Variants in CEBPZOS observed in about 807,000 individuals in gnomAD.
The protein encoded by CEBPZOS is protein CEBPZOS.
A neutral mutation model predicts 4.8 loss-of-function variants in CEBPZOS; 10 were observed. That is an observed-to-expected ratio of 2.07 (90% CI 1.28 to 3.52). The LOEUF (loss-of-function observed/expected upper bound fraction) is 3.52. Ranked by LOEUF, CEBPZOS falls within the 30% of genes most tolerant of loss-of-function variation. The probability of loss-of-function intolerance (pLI) is 0.00; values close to 1 mark genes in which losing one functional copy is unlikely to be tolerated. For missense variants in CEBPZOS, 98 were observed against 43.6 expected (o/e 2.25, Z -3.51); for synonymous variants, 25 against 14.2 (o/e 1.77, Z -1.72).
chr2:37,206,200 C>T (rs1677534196), downstream of CEBPZOS, among the ~76,000 whole-genome samples: 1 of 152,180 alleles, frequency 6.6e-6, no homozygotes, highest in Non-Finnish European at 1.5e-5. Flanking sequence ...GCAGCTCCCA[C>T]ATGGATGGAC....
chr2:37,204,037 T>C lies in CEBPZOS; in HGVS notation c.*2177T>C, dbSNP rs1677418768. The C allele has an allele frequency of 6.6e-6, 1 of 152,216 alleles. No individual in the cohort carries two copies. The highest frequency in any genetic ancestry group is 2.4e-5 in the African/African-American group (1 of 41,456). 9.4% of individuals were successfully genotyped at this position (152,216 alleles called of 1,614,324 possible). ...CAGAGCCACTTTTGATAAAATAGTT[T>C]CTAAAACATTTCATCTTGATTTTTA... On this transcript the variant is annotated 3_prime_UTR_variant, in exon 5 of 5. Transcript: ENST00000402297.
chr2:37,213,975 G>GAATA, downstream of CEBPZOS: 1 of 1,372,978 alleles, frequency 7.3e-7, no homozygotes, highest in Non-Finnish European at 9.8e-7. Flanking sequence ...TAATATTCAT[G>GAATA]TTATATATTT....
In CEBPZOS at chr2:37,204,056, A is replaced by G. The variant is rs1405549291; in HGVS notation, c.*2196A>G. 6.6e-6 allele frequency: 1 copy of G among 152,054 alleles called. No homozygotes were observed. Among genetic ancestry groups the G allele is most frequent in the African/African-American group, 2.4e-5 (1 of 41,366 alleles). 9.4% of individuals were successfully genotyped at this position (152,054 alleles called of 1,614,324 possible). A position where few individuals can be genotyped will look rare whatever the true frequency, so the allele number is the denominator to read the frequency against. On this transcript the variant is annotated 3_prime_UTR_variant, in exon 5 of 5. Coordinates refer to ENST00000402297, the MANE Select transcript of CEBPZOS (RefSeq NM_001322374.2). Reference sequence around the variant, plus strand: ...ATAGTTTCTAAAACATTTCATCTTGATTTTTATTAAGGTGATATGTATGTT... The same window carrying G: ...ATAGTTTCTAAAACATTTCATCTTGGTTTTTATTAAGGTGATATGTATGTT...
chr2:37,196,716 C>G (rs112846919), intron 1 of CEBPZOS, 196 bp downstream of exon 1: 8 of 143,648 alleles, frequency 5.6e-5, no homozygotes, highest in South Asian at 2.3e-4. Flanking sequence ...GCGGCCGGGC[C>G]GTGCTCCGTG....
downstream of CEBPZOS, chr2:37,214,844 T>A (rs768174796): frequency 2.4e-6 from 3 of 1,270,542 alleles, no homozygotes; most frequent in East Asian, 7.0e-5. Flanking sequence ...AAAATTTAAA[T>A]TTTAGCAGTT....
chr2:37,201,869 A>G lies in CEBPZOS; in HGVS notation c.*9A>G, dbSNP rs558979989. ...TTGCATCTCTGTTGTGTAGCCAGTC[A>G]TCACGTTCAGCCTCCCATCTAAGCT... On this transcript the variant is annotated 3_prime_UTR_variant, in exon 5 of 5. Transcript: ENST00000402297. The G allele has an allele frequency of 2.3e-5, 37 of 1,613,894 alleles. No homozygotes were observed. The highest frequency in any genetic ancestry group is 1.9e-4 in the African/African-American group (14 of 75,002).
At position 37,201,897 on chromosome 2, in the gene CEBPZOS, T is replaced by C. The variant is rs1028215374; in HGVS notation, c.*37T>C. ...ACGTTCAGCCTCCCATCTAAGCTGT[T>C]TGAGACCTTTGAGAGAAGAAGAAAA... On this transcript the variant is annotated 3_prime_UTR_variant, in exon 5 of 5. Coordinates refer to ENST00000402297, the MANE Select transcript of CEBPZOS (RefSeq NM_001322374.2). 7 of 1,612,022 alleles carry C rather than the reference T, an allele frequency of 4.3e-6. No individual in the cohort carries two copies. The highest frequency in any genetic ancestry group is 1.7e-5 in the Admixed American group (1 of 59,412).
At chr2:37,200,987 CTG>C (rs1677200445) in intron 2 of CEBPZOS, 59 bp from the exon 3 acceptor site, 5 of 702,800 alleles carry the variant, frequency 7.1e-6, no homozygotes, top group South Asian at 3.1e-5. Context: ...TAAATTGTGG[CTG>C]TGTTAATATA....
chr2:37,211,894 C>T (rs761491408), intron 4 of CEBPZOS: 6 of 1,611,880 alleles, frequency 3.7e-6, no homozygotes, highest in South Asian at 2.2e-5. Context: ...GTTCCTCCAT[C>T]TTCATCAACT....
At chr2:37,213,003 T>A (rs1430733439) in intron 4 of CEBPZOS, among the ~76,000 whole-genome samples, 1 of 151,826 alleles carries the variant, frequency 6.6e-6, no homozygotes, top group Non-Finnish European at 1.5e-5. Flanking sequence ...GTTGGGATTG[T>A]GCCACTGCAC....
intron 4 of CEBPZOS, chr2:37,211,935 A>G (rs887306266): frequency 3.7e-6 from 6 of 1,613,602 alleles, no homozygotes; most frequent in Non-Finnish European, 5.1e-6. Context: ...CATACTTCCT[A>G]AAGAAACTTC....
intron 1 of CEBPZOS, among the ~76,000 whole-genome samples, chr2:37,197,960 G>A (rs2465488): frequency 0.73 from 111,726 of 152,084 alleles, 41,876 homozygotes; most frequent in East Asian, 0.98. Flanking sequence ...CAGGAGTTGG[G>A]GACCACCCTG....
intron 1 of CEBPZOS, among the ~76,000 whole-genome samples, chr2:37,199,335 A>G (rs1416348082): frequency 6.6e-6 from 1 of 152,232 alleles, no homozygotes; most frequent in East Asian, 1.9e-4. Flanking sequence ...AGCTGTTTAT[A>G]TATTGTATCC....
intron 2 of CEBPZOS, 71 bp from the exon 3 acceptor site, chr2:37,200,977 T>A (rs563048010): frequency 1.4e-6 from 1 of 700,774 alleles, no homozygotes; most frequent in Non-Finnish European, 2.6e-6. Context: ...AAGCTAGCAT[T>A]AAATTGTGGC....
At chr2:37,209,549 C>T (rs1446656384), downstream of CEBPZOS, 3 of 152,292 alleles carry the variant, frequency 2.0e-5, no homozygotes, top group African/African-American at 7.2e-5. Context: ...GGAAAGGACA[C>T]CCTATTGAAC....
rs1137453 is a variant in CEBPZOS, at chr2:37,204,503, C to G, written c.*2643C>G. The G allele has an allele frequency of 0.35, 52,566 of 151,608 alleles. 9,437 individuals carry two copies. The highest frequency in any genetic ancestry group is 0.39 in the Non-Finnish European group (26,390 of 67,828). The allele number at this position is 151,608 out of a possible 1,614,324, so 9.4% of individuals were successfully genotyped here. Reference sequence around the variant, plus strand: ...ATGTTGGCCAGGATGGTCTTGATCTCTTGACCTTGTGATCTACCTGCCTTG... The same window carrying G: ...ATGTTGGCCAGGATGGTCTTGATCTGTTGACCTTGTGATCTACCTGCCTTG... On this transcript the variant is annotated 3_prime_UTR_variant, in exon 5 of 5. Transcript: ENST00000402297.
At chr2:37,214,782 G>A (rs888351149), downstream of CEBPZOS, 10 of 705,390 alleles carry the variant, frequency 1.4e-5, no homozygotes, top group African/African-American at 9.0e-5. Flanking sequence ...ACACACAGTA[G>A]TAGATTATTG....
chr2:37,210,932 C>T (rs1220525903), intron 4 of CEBPZOS: 6 of 1,021,698 alleles, frequency 5.9e-6, no homozygotes, highest in African/African-American at 5.0e-5. Flanking sequence ...GAGTTCATTT[C>T]CCAAAATGAT....
At chr2:37,210,085 A>G (rs923400647) in intron 4 of CEBPZOS, 1 of 152,168 alleles carries the variant, frequency 6.6e-6, no homozygotes, top group Non-Finnish European at 1.5e-5. Flanking sequence ...ATACCACCTT[A>G]CTCCTGCAAG....
Sources: allele counts gnomAD v4.1 joint callset (sites outside exome capture counted in the v4.1 genomes callset), GRCh38; gene constraint gnomAD v4.1.1; transcripts MANE v1.5; gene names NCBI Gene and HGNC (gene_info 2026-07-23, HGNC 2026-07-21).